Variants in HYDIN observed in about 807,000 individuals in gnomAD.
The protein encoded by HYDIN is HYDIN axonemal central pair apparatus protein, also known as axonemal central pair apparatus protein HYDIN.
Under a neutral mutation model 403.9 loss-of-function variants are expected in HYDIN, and 132 were observed. The ratio of observed to expected loss-of-function variants is 0.33; its 90% CI spans 0.28 to 0.38. HYDIN has a LOEUF of 0.38. Ranked by LOEUF, HYDIN falls within the 10% of genes least tolerant of loss-of-function variation. The pLI is 1.00. For missense variants in HYDIN, 2,827 were observed against 5,009.5 expected, an observed-to-expected ratio of 0.56 and a Z score of 13.15; for synonymous variants, 1,202 against 1,891.7, an observed-to-expected ratio of 0.64 and a Z score of 9.46.
At chr16:71,229,180 T>C (rs928756087) in intron 1 of HYDIN, among the ~76,000 whole-genome samples, 1 of 139,500 alleles carries the variant, frequency 7.2e-6, no homozygotes, top group Non-Finnish European at 1.6e-5. Flanking sequence ...GGGGGAGGGA[T>C]AGCATTTGGA....
At chr16:71,012,540 T>C (rs951404364) in intron 23 of HYDIN, among the ~76,000 whole-genome samples, 1 of 152,228 alleles carries the variant, frequency 6.6e-6, no homozygotes, top group Non-Finnish European at 1.5e-5. Flanking sequence ...ATGCTTTAAA[T>C]AGATGAGTGA....
chr16:70,833,834 C>G, intron 79 of HYDIN, 53 bp downstream of exon 79: 1 of 1,285,978 alleles, frequency 7.8e-7, no homozygotes, highest in Non-Finnish European at 1.1e-6. Flanking sequence ...AGGGCAGATA[C>G]AGGGACAGCA....
intron 18 of HYDIN, among the ~76,000 whole-genome samples, chr16:71,056,351 T>G (rs1433422810): frequency 6.6e-6 from 1 of 152,114 alleles, no homozygotes; most frequent in Non-Finnish European, 1.5e-5. Flanking sequence ...ATAAAAAATA[T>G]AATCTTCACT....
intron 73 of HYDIN, among the ~76,000 whole-genome samples, chr16:70,851,523 G>A (rs2038655595): frequency 6.7e-6 from 1 of 148,624 alleles, no homozygotes; most frequent in Non-Finnish European, 1.5e-5. Flanking sequence ...AAACCACAAT[G>A]AGATAACATC....
At chr16:70,834,901 T>C (rs556192481) in intron 78 of HYDIN, among the ~76,000 whole-genome samples, 143 of 146,216 alleles carry the variant, frequency 9.8e-4, no homozygotes, top group Non-Finnish European at 1.3e-3. Context: ...TATATATATA[T>C]ACACACACAC....
chr16:71,163,106 T>C lies in HYDIN; in HGVS notation c.517-376A>G, dbSNP rs112948062. On this transcript the variant is annotated intron_variant, in intron 5 of 85. Transcript: ENST00000393567. ...CTAGTTCTCCTTCAAGCCCATGTAT[T>C]AGAATGATGTTTCTTTTTTTTTTTT... Among the ~76,000 whole-genome samples the C allele has an allele frequency of 2.0e-3, 304 of 149,920 alleles. 6 individuals carry two copies. The highest frequency in any genetic ancestry group is 7.0e-3 in the African/African-American group (288 of 41,114).
At chr16:70,862,451 G>A (rs534701729) in intron 68 of HYDIN, among the ~76,000 whole-genome samples, 196 bp from the exon 69 acceptor site, 2 of 113,192 alleles carry the variant, frequency 1.8e-5, no homozygotes, top group Admixed American at 9.6e-5. Flanking sequence ...CATGAAAAAT[G>A]TTTCTATTTA....
intron 1 of HYDIN, among the ~76,000 whole-genome samples, chr16:71,223,442 A>T (rs1463741179): frequency 1.3e-5 from 2 of 152,176 alleles, no homozygotes; most frequent in East Asian, 3.9e-4. Context: ...AAGACCCTAA[A>T]CGCAAATGTG....
intron 44 of HYDIN, among the ~76,000 whole-genome samples, chr16:70,936,673 A>G (rs1166725076): frequency 6.6e-6 from 1 of 151,442 alleles, no homozygotes; most frequent in Non-Finnish European, 1.5e-5. Context: ...AGCTAGGATT[A>G]CAGGTGTGCA....
At chr16:71,045,573 G>C (rs1156604378) in intron 18 of HYDIN, among the ~76,000 whole-genome samples, 1 of 146,980 alleles carries the variant, frequency 6.8e-6, no homozygotes, top group African/African-American at 2.5e-5. Context: ...ATCATCTTTT[G>C]AGAGTCATCA....
chr16:70,894,863 A>C (rs2041697165), intron 54 of HYDIN, among the ~76,000 whole-genome samples: 1 of 149,228 alleles, frequency 6.7e-6, no homozygotes, highest in African/African-American at 2.5e-5. Flanking sequence ...GATATTACAC[A>C]TATATTTATG....
At chr16:71,070,271 C>CTCCTTCCTTCCTTCCTTCCTTCCT in intron 13 of HYDIN, among the ~76,000 whole-genome samples, 1 of 147,306 alleles carries the variant, frequency 6.8e-6, no homozygotes, top group African/African-American at 2.5e-5. Flanking sequence ...TTCTTTCTCT[C>CTCCTTCCTTCCTTCCTTCCTTCCT]TCCTTCCTTC....
At chr16:70,947,416 C>T (rs6499361) in intron 41 of HYDIN, among the ~76,000 whole-genome samples, 2 of 149,636 alleles carry the variant, frequency 1.3e-5, no homozygotes, top group South Asian at 2.1e-4. Context: ...GATAAGCTTT[C>T]TGATGTGCTG....
At chr16:70,887,656 T>C (rs2041220257) in intron 58 of HYDIN, among the ~76,000 whole-genome samples, 1 of 151,250 alleles carries the variant, frequency 6.6e-6, no homozygotes, top group Non-Finnish European at 1.5e-5. Context: ...GAATCCCTAT[T>C]GTCTGTCTTC....
intron 1 of HYDIN, among the ~76,000 whole-genome samples, chr16:71,190,433 T>C (rs2087377241): frequency 6.6e-6 from 1 of 152,140 alleles, no homozygotes; most frequent in African/African-American, 2.4e-5. Flanking sequence ...CCTTTGGAAG[T>C]TGCTAAAGCA....
intron 47 of HYDIN, among the ~76,000 whole-genome samples, chr16:70,912,964 G>A (rs1192672073): frequency 6.6e-6 from 1 of 150,482 alleles, no homozygotes; most frequent in Non-Finnish European, 1.5e-5. Flanking sequence ...TTTCTGTGGT[G>A]TCAGTTGTAA....
At chr16:70,961,158 G>A (rs563518353) in intron 38 of HYDIN, among the ~76,000 whole-genome samples, 359 of 152,222 alleles carry the variant, frequency 2.4e-3, no homozygotes, top group African/African-American at 8.2e-3. Flanking sequence ...CCCTGGAGGA[G>A]CCCAGGCATG....
At chr16:71,040,067 G>T (rs1164176597) in intron 18 of HYDIN, among the ~76,000 whole-genome samples, 1 of 151,786 alleles carries the variant, frequency 6.6e-6, no homozygotes, top group Non-Finnish European at 1.5e-5. Context: ...GCTCCTGCTG[G>T]CACCCAGGAG....
chr16:71,092,240 C>T (rs2083130019), intron 11 of HYDIN, among the ~76,000 whole-genome samples: 1 of 152,160 alleles, frequency 6.6e-6, no homozygotes, highest in South Asian at 2.1e-4. Flanking sequence ...GTGAAATGTG[C>T]TACCATCTAT....
Sources: gnomAD v4.1 joint callset for allele counts (sites outside exome capture counted in the v4.1 genomes callset) on GRCh38, gnomAD v4.1.1 for gene constraint, MANE v1.5 for transcripts, NCBI Gene and HGNC (gene_info 2026-07-23, HGNC 2026-07-21) for gene names.